The following NEK1 variants were observed in gnomAD, a reference collection of about 807,000 sequenced individuals.
NEK1 encodes NIMA related kinase 1.
Under a neutral mutation model 182.1 loss-of-function variants are expected in NEK1, and 137 were observed. The ratio of observed to expected loss-of-function variants is 0.75; its 90% confidence interval spans 0.65 to 0.87. NEK1 has a LOEUF of 0.87. NEK1 is among the 40% of genes least tolerant of loss of function. The pLI is 0.00. For synonymous variants in NEK1, 513 were observed against 492.2 expected (o/e 1.04, Z -0.56); for missense variants, 1,391 against 1,494.4 (o/e 0.93, Z 1.14).
chr4:169,445,057 GGACA>G (rs908631478), intron 27 of NEK1, among the ~76,000 whole-genome samples: 15 of 152,162 alleles, frequency 9.9e-5, no homozygotes, highest in African/African-American at 3.6e-4. Context: ...AAACAAATGG[GGACA>G]GAAACACAAC....
intron 12 of NEK1, among the ~76,000 whole-genome samples, chr4:169,566,749 C>G (rs1234906907): frequency 1.3e-5 from 2 of 152,008 alleles, no homozygotes; most frequent in African/African-American, 4.8e-5. Context: ...GAATTTCAAC[C>G]TAAAAGATGC....
chr4:169,432,716 A>C (rs1235945077), intron 29 of NEK1, among the ~76,000 whole-genome samples: 1 of 152,208 alleles, frequency 6.6e-6, no homozygotes, highest in East Asian at 1.9e-4. Context: ...AAAGAAGACA[A>C]GAGTGGATGG....
chr4:169,541,795 T>A (rs1355588087), intron 18 of NEK1, among the ~76,000 whole-genome samples: 1 of 152,174 alleles, frequency 6.6e-6, no homozygotes, highest in Admixed American at 6.5e-5. Context: ...TATTCCCATC[T>A]AAATAGCCCA....
At chr4:169,463,153 A>T in intron 27 of NEK1, 90 bp downstream of exon 27, 1 of 694,708 alleles carries the variant, frequency 1.4e-6, no homozygotes. Context: ...ATTAAAAATA[A>T]TTCACTTAAA....
intron 27 of NEK1, among the ~76,000 whole-genome samples, chr4:169,462,434 A>C (rs572704063): frequency 6.6e-5 from 10 of 152,118 alleles, no homozygotes; most frequent in Non-Finnish European, 1.2e-4. Flanking sequence ...TTTAATATTA[A>C]AGAAAATAAC....
At chr4:169,482,805 T>G (rs1748315430) in intron 23 of NEK1, among the ~76,000 whole-genome samples, 1 of 151,868 alleles carries the variant, frequency 6.6e-6, no homozygotes, top group Non-Finnish European at 1.5e-5. Context: ...CTCAGCTAAT[T>G]TTTTGTATTT....
At chr4:169,422,414 G>C (rs990117097) in intron 31 of NEK1, among the ~76,000 whole-genome samples, 11 of 152,168 alleles carry the variant, frequency 7.2e-5, no homozygotes, top group Non-Finnish European at 1.0e-4. Flanking sequence ...ACGGGTTAGA[G>C]TGGCAAAATT....
At chr4:169,458,395 A>G (rs1375763469) in intron 27 of NEK1, among the ~76,000 whole-genome samples, 2 of 152,182 alleles carry the variant, frequency 1.3e-5, no homozygotes, top group African/African-American at 4.8e-5. Flanking sequence ...TAACTCTTCA[A>G]AAATATTTAC....
intron 31 of NEK1, among the ~76,000 whole-genome samples, chr4:169,422,315 C>T (rs1175970141): frequency 1.3e-5 from 2 of 152,180 alleles, no homozygotes; most frequent in Non-Finnish European, 2.9e-5. Context: ...AAGAAGGATA[C>T]TGTGCTCAAA....
intron 23 of NEK1, among the ~76,000 whole-genome samples, chr4:169,497,148 G>C (rs200862719): frequency 5.6e-4 from 85 of 151,254 alleles, no homozygotes; most frequent in Non-Finnish European, 5.0e-4. Flanking sequence ...TGTATGTGTC[G>C]AGGAATTTAT....
intron 7 of NEK1, 45 bp from the exon 8 acceptor site, chr4:169,588,780 T>C (rs1331254328): frequency 8.4e-7 from 1 of 1,184,388 alleles, no homozygotes; most frequent in South Asian, 1.3e-5. Flanking sequence ...GACACAGTCA[T>C]GTGCCACATT....
intron 23 of NEK1, among the ~76,000 whole-genome samples, chr4:169,482,073 G>A (rs1748137814): frequency 1.3e-5 from 2 of 152,120 alleles, no homozygotes; most frequent in African/African-American, 4.8e-5. Flanking sequence ...TTATGGAGGT[G>A]GCTTCTTTCC....
intron 10 of NEK1, among the ~76,000 whole-genome samples, chr4:169,581,192 T>G (rs775847191): frequency 1.3e-5 from 2 of 151,932 alleles, no homozygotes; most frequent in East Asian, 3.9e-4. Context: ...TTTTAAAAAT[T>G]AAGAAAAATA....
intron 19 of NEK1, among the ~76,000 whole-genome samples, chr4:169,531,071 G>A (rs1489426010): frequency 6.6e-6 from 1 of 151,600 alleles, no homozygotes. Flanking sequence ...AGAGAATATT[G>A]GCATTTAAAG....
rs1057222414 is a variant in NEK1 at position 169,393,448 on chromosome 4, T to C, written c.*1062A>G. 2.6e-5 allele frequency: 4 copies of C among 152,300 alleles called. No individual in the cohort carries two copies. The East Asian group carries it at 5.8e-4, about 22-fold the overall frequency. 9.4% of individuals were successfully genotyped at this position (152,300 alleles called of 1,614,324 possible). A position where few individuals can be genotyped will look rare whatever the true frequency, so the allele number is the denominator to read the frequency against. On this transcript the variant is annotated 3_prime_UTR_variant, in exon 36 of 36. Transcript: ENST00000507142. ...TACATATTATGCCAACCAGCCTGCT[T>C]TGGACTCAGAGGTTCAAAAACTTTG...
At chr4:169,573,333 T>A (rs1765167935) in intron 12 of NEK1, among the ~76,000 whole-genome samples, 2 of 152,084 alleles carry the variant, frequency 1.3e-5, no homozygotes, top group African/African-American at 4.8e-5. Context: ...AGGTAAAAAA[T>A]AATCACCTAG....
intron 18 of NEK1, among the ~76,000 whole-genome samples, chr4:169,547,269 A>G (rs1760644711): frequency 6.6e-6 from 1 of 152,194 alleles, no homozygotes; most frequent in African/African-American, 2.4e-5. Context: ...TGGGTTGAAA[A>G]TTATTTTCTT....
chr4:169,591,474 T>C (rs1364186289), intron 5 of NEK1, among the ~76,000 whole-genome samples: 1 of 152,086 alleles, frequency 6.6e-6, no homozygotes, highest in Non-Finnish European at 1.5e-5. Context: ...ATCTGACCTC[T>C]ATAATGCTTT....
At chr4:169,478,079 T>C (rs1254523295) in intron 24 of NEK1, among the ~76,000 whole-genome samples, 1 of 151,944 alleles carries the variant, frequency 6.6e-6, no homozygotes, top group East Asian at 1.9e-4. Context: ...TATCTCCTAA[T>C]TAGCATTGTC....
Sources: gnomAD v4.1 joint callset for allele counts (sites outside exome capture counted in the v4.1 genomes callset) on GRCh38, gnomAD v4.1.1 for gene constraint, MANE v1.5 for transcripts, NCBI Gene and HGNC (gene_info 2026-07-23, HGNC 2026-07-21) for gene names.